The following DOCK8 variants were observed in gnomAD, a reference collection of about 807,000 sequenced individuals.
The protein encoded by DOCK8 is dedicator of cytokinesis 8.
DOCK8 carries 141 observed loss-of-function variants against 245.6 expected under a neutral mutation model. That is an observed-to-expected ratio of 0.57 (90% CI 0.50 to 0.66). DOCK8 has a LOEUF of 0.66. Among genes scored for constraint, DOCK8 ranks in the 30% least tolerant of loss-of-function variants. The pLI, the probability that DOCK8 is intolerant of heterozygous loss-of-function variation, is 0.00. For missense variants in DOCK8, 2,965 were observed against 2,603.4 expected (o/e 1.14, Z -3.02); for synonymous variants, 1,168 against 970.2 (o/e 1.20, Z -3.79).
intron 1 of DOCK8, among the ~76,000 whole-genome samples, chr9:223,109 G>T (rs1439981278): frequency 6.6e-6 from 1 of 152,086 alleles, no homozygotes; most frequent in Non-Finnish European, 1.5e-5. Context: ...GTACCACTCT[G>T]CTCAGAAACC....
chr9:299,593 G>GT (rs1182136941), intron 4 of DOCK8, among the ~76,000 whole-genome samples: 1 of 151,328 alleles, frequency 6.6e-6, no homozygotes, highest in Non-Finnish European at 1.5e-5. Context: ...GTTTTTGGAT[G>GT]TTTAGTCTTA....
chr9:438,010 ATCT>A lies in DOCK8; in HGVS notation c.5080-1231_5080-1229del, dbSNP rs2056959215. On this transcript the variant is annotated intron_variant, in intron 39 of 47. Coordinates refer to ENST00000432829, the MANE Select transcript of DOCK8 (RefSeq NM_203447.4). The stretch of plus-strand genomic sequence containing the variant: ...AAATGCTTTCAACTGAATTTCTTGG[ATCT>A]TCTGTTGTCACAGAAACATCATAAT... 2.6e-5 allele frequency among the ~76,000 whole-genome samples: 4 copies of A among 152,376 alleles called. No homozygotes were observed. In the South Asian group the frequency reaches 8.3e-4, roughly 32 times the overall value.
rs1299921839 is a variant in DOCK8, at chr9:215,162, C to A, written c.53+133C>A. 6.5e-5 allele frequency: 97 copies of A among 1,492,574 alleles called. 1 individual carries two copies. Among genetic ancestry groups the A allele is most frequent in the Non-Finnish European group, 8.5e-5 (96 of 1,128,936 alleles). The allele number at this position is 1,492,574 out of a possible 1,614,324, so 92.5% of individuals were successfully genotyped here. On this transcript the variant is annotated intron_variant, in intron 1 of 47. Coordinates refer to ENST00000432829, the MANE Select transcript of DOCK8 (RefSeq NM_203447.4). ...GGCGGGGCGCGCCTGAGACCTGGGG[C>A]GCCCGGTTCCCGAGGCTGCGGCGGT...
chr9:303,220 A>C, intron 4 of DOCK8, among the ~76,000 whole-genome samples: 1 of 152,132 alleles, frequency 6.6e-6, no homozygotes, highest in Non-Finnish European at 1.5e-5. Context: ...TATGGAATGC[A>C]GTGTGAAGAT....
intron 4 of DOCK8, among the ~76,000 whole-genome samples, chr9:295,880 C>T (rs1322002076): frequency 6.6e-6 from 1 of 152,164 alleles, no homozygotes; most frequent in African/African-American, 2.4e-5. Flanking sequence ...GTAATTGAGA[C>T]ATTTAAATCA....
At chr9:301,173 G>A (rs1417373412) in intron 4 of DOCK8, among the ~76,000 whole-genome samples, 1 of 152,108 alleles carries the variant, frequency 6.6e-6, no homozygotes. Context: ...CCTGGGATGC[G>A]AGGTTGGTTC....
intron 47 of DOCK8, 148 bp downstream of exon 47, chr9:463,835 G>C (rs1330054423): frequency 1.0e-6 from 1 of 960,158 alleles, no homozygotes; most frequent in African/African-American, 1.6e-5. Flanking sequence ...GGCTACCAGA[G>C]TGTGATTCAT....
chr9:432,422 T>G, intron 37 of DOCK8, 98 bp downstream of exon 37: 1 of 1,176,346 alleles, frequency 8.5e-7, no homozygotes, highest in Non-Finnish European at 1.2e-6. Flanking sequence ...TATATATAAA[T>G]ATATAACATT....
intron 1 of DOCK8, among the ~76,000 whole-genome samples, chr9:269,083 C>G (rs1305079647): frequency 6.6e-6 from 1 of 152,132 alleles, no homozygotes; most frequent in African/African-American, 2.4e-5. Context: ...AATTTATATA[C>G]TACAAAATTC....
intron 14 of DOCK8, chr9:365,935 T>G (rs2052971155): frequency 3.7e-6 from 1 of 273,090 alleles, no homozygotes; most frequent in Middle Eastern, 1.4e-3. Context: ...CATCAGTGGC[T>G]CAGTCTTACC....
rs772845008 is a variant in DOCK8, at chr9:334,330, T to C, written c.1231T>C (p.Phe411Leu). ...CTGGGCACCCATAAGCTTATCAAGC[T>C]TCTTCAATGTCTCCACCCTTGAGAG... ...FAWAPISLSS[F>L]FNVSTLEREV... Residue 411 changes from phenylalanine (F) to leucine (L), a missense_variant, in exon 11 of 48, where the codon TTC (phenylalanine) becomes CTC (leucine). Transcript: ENST00000432829. 6.2e-7 allele frequency: 1 copy of C among 1,614,198 alleles called. No individual in the cohort carries two copies. Among genetic ancestry groups the C allele is most frequent in the East Asian group, 2.2e-5 (1 of 44,880 alleles).
At chr9:456,308 T>A (rs2057639053) in intron 46 of DOCK8, 1 of 152,216 alleles carries the variant, frequency 6.6e-6, no homozygotes, top group African/African-American at 2.4e-5. Flanking sequence ...TTCACGTTGT[T>A]TGTGCTGTGT....
chr9:331,377 C>T (rs1397492239), intron 9 of DOCK8, among the ~76,000 whole-genome samples: 2 of 152,168 alleles, frequency 1.3e-5, no homozygotes, highest in African/African-American at 4.8e-5. Context: ...GAGAGACTTC[C>T]TGCTTGGAGT....
At chr9:304,484 C>A in intron 4 of DOCK8, 97 bp from the exon 5 acceptor site, 2 of 1,513,124 alleles carry the variant, frequency 1.3e-6, no homozygotes, top group East Asian at 4.5e-5. Flanking sequence ...CTCTCAGCAC[C>A]ATGTCTACAC....
chr9:303,659 G>A (rs528247749), intron 4 of DOCK8, among the ~76,000 whole-genome samples: 2 of 152,330 alleles, frequency 1.3e-5, no homozygotes, highest in African/African-American at 4.8e-5. Context: ...GATGGAAGCA[G>A]GTGTGGGTTG....
chr9:446,729 AT>A, intron 44 of DOCK8, 123 bp downstream of exon 44: 1 of 863,062 alleles, frequency 1.2e-6, no homozygotes, highest in Non-Finnish European at 1.9e-6. Flanking sequence ...TTGAAATATG[AT>A]TATATGGTTG....
intron 11 of DOCK8, 139 bp from the exon 12 acceptor site, chr9:336,443 G>T: frequency 4.2e-6 from 5 of 1,186,760 alleles, no homozygotes. Flanking sequence ...CCAATGGAAG[G>T]ACATTTTCAT....
At chr9:218,238 A>G (rs932025765) in intron 1 of DOCK8, among the ~76,000 whole-genome samples, 3 of 152,200 alleles carry the variant, frequency 2.0e-5, no homozygotes, top group Non-Finnish European at 2.9e-5. Flanking sequence ...AGAATAGTGT[A>G]AACTATCTCT....
At chr9:234,795 C>T (rs1003252167) in intron 1 of DOCK8, among the ~76,000 whole-genome samples, 24 of 149,044 alleles carry the variant, frequency 1.6e-4, no homozygotes, top group East Asian at 9.0e-4. Context: ...GTTATCCATT[C>T]GTCTATTTTT....
Sources: allele counts gnomAD v4.1 joint callset (sites outside exome capture counted in the v4.1 genomes callset), GRCh38; gene constraint gnomAD v4.1.1; transcripts MANE v1.5; gene names NCBI Gene and HGNC (gene_info 2026-07-23, HGNC 2026-07-21).